Variants in DCAF8L2 observed in about 807,000 individuals in gnomAD.
DCAF8L2 encodes DDB1 and CUL4 associated factor 8 like 2.
For missense variants in DCAF8L2, 430 were observed against 490.7 expected (o/e 0.88, Z 1.17); for synonymous variants, 200 against 190.9 (o/e 1.05, Z -0.39).
At chrX:27,654,941 G>A (rs1003863847) in intron 2 of DCAF8L2, among the ~76,000 whole-genome samples, 4 of 110,484 alleles carry the variant, frequency 3.6e-5, no homozygotes, top group Non-Finnish European at 7.6e-5. Context: ...ATTAATTATT[G>A]ATGAATACGA....
chrX:27,594,452 T>G (rs1302030440), intron 1 of DCAF8L2, among the ~76,000 whole-genome samples: 4 of 111,272 alleles, frequency 3.6e-5, no homozygotes, highest in Non-Finnish European at 7.5e-5. Flanking sequence ...AGAATATATA[T>G]ATATACGTAC....
chrX:27,571,275 A>C, the DCAF8L2 span, among the ~76,000 whole-genome samples: 1 of 111,579 alleles, frequency 9.0e-6, no homozygotes, highest in Non-Finnish European at 1.9e-5. Flanking sequence ...TTATAGATGG[A>C]AAGATTTGAC....
At chrX:27,725,748 A>C (rs972176846) in intron 4 of DCAF8L2, among the ~76,000 whole-genome samples, 2 of 110,373 alleles carry the variant, frequency 1.8e-5, no homozygotes, top group African/African-American at 6.5e-5. Flanking sequence ...TAATATTTGA[A>C]GCTAAAACAT....
At chrX:27,571,946 G>A in the DCAF8L2 span, among the ~76,000 whole-genome samples, 1 of 111,603 alleles carries the variant, frequency 9.0e-6, no homozygotes, top group East Asian at 2.8e-4. Flanking sequence ...AAATAAGATG[G>A]ATTGGTCATA....
At chrX:27,624,095 A>G (rs973198256) in intron 1 of DCAF8L2, among the ~76,000 whole-genome samples, 4 of 112,033 alleles carry the variant, frequency 3.6e-5, no homozygotes, top group Non-Finnish European at 7.5e-5. Context: ...CTAAGGAATT[A>G]GAATTGTCAG....
intron 1 of DCAF8L2, among the ~76,000 whole-genome samples, chrX:27,593,673 G>A (rs1460627370): frequency 9.0e-6 from 1 of 111,714 alleles, no homozygotes; most frequent in Non-Finnish European, 1.9e-5. Flanking sequence ...ATGTAGAGAA[G>A]GACTACAGAA....
At chrX:27,498,262 A>G in the DCAF8L2 span, among the ~76,000 whole-genome samples, 74 of 112,179 alleles carry the variant, frequency 6.6e-4, no homozygotes, top group East Asian at 0.02. Context: ...AACGTTTTCC[A>G]TAGTGTCTGT....
chrX:27,703,630 T>G (rs1931213569), intron 3 of DCAF8L2, among the ~76,000 whole-genome samples: 1 of 111,084 alleles, frequency 9.0e-6, no homozygotes, highest in Non-Finnish European at 1.9e-5. Context: ...ATAATGTTAT[T>G]TTCAACAAAT....
At chrX:27,551,845 T>C in the DCAF8L2 span, among the ~76,000 whole-genome samples, 1 of 112,107 alleles carries the variant, frequency 8.9e-6, no homozygotes, top group South Asian at 3.7e-4. Flanking sequence ...TTTGGATATA[T>C]ACCCAATAGT....
At chrX:27,584,959 C>A in the DCAF8L2 span, among the ~76,000 whole-genome samples, 1 of 111,325 alleles carries the variant, frequency 9.0e-6, no homozygotes, top group Non-Finnish European at 1.9e-5. Flanking sequence ...TTACAATGCA[C>A]AAGACAGCCT....
chrX:27,631,605 T>C (rs1255484849), intron 1 of DCAF8L2, among the ~76,000 whole-genome samples: 1 of 111,473 alleles, frequency 9.0e-6, no homozygotes, highest in Non-Finnish European at 1.9e-5. Context: ...AGACACATTT[T>C]TAGGCAGCAC....
chrX:27,533,330 C>T, the DCAF8L2 span, among the ~76,000 whole-genome samples: 58,446 of 107,944 alleles, frequency 0.54, 13,160 homozygotes, highest in South Asian at 0.77. Context: ...CACTTGAACC[C>T]GAGAGTTCAA....
chrX:27,593,754 T>G (rs1439455155), intron 1 of DCAF8L2, among the ~76,000 whole-genome samples: 2 of 112,282 alleles, frequency 1.8e-5, no homozygotes, highest in Admixed American at 1.9e-4. Context: ...CAAGGTGCTG[T>G]GCAGAATGGA....
the DCAF8L2 span, among the ~76,000 whole-genome samples, chrX:27,574,431 T>C: frequency 6.0e-3 from 674 of 112,268 alleles, 5 homozygotes; most frequent in Middle Eastern, 9.3e-3. Context: ...TCACTGTTTC[T>C]TTCCAGTGTA....
intron 1 of DCAF8L2, among the ~76,000 whole-genome samples, chrX:27,601,896 G>A (rs924162714): frequency 1.2e-4 from 13 of 111,000 alleles, no homozygotes; most frequent in Non-Finnish European, 2.5e-4. Flanking sequence ...GCTAAAGGAA[G>A]GCACCAGCAA....
chrX:27,517,598 C>T, the DCAF8L2 span, among the ~76,000 whole-genome samples: 1 of 111,394 alleles, frequency 9.0e-6, no homozygotes, highest in Non-Finnish European at 1.9e-5. Flanking sequence ...TGATATCATA[C>T]TTCCTTAATG....
intron 3 of DCAF8L2, among the ~76,000 whole-genome samples, chrX:27,704,204 A>T (rs1452284689): frequency 2.0e-5 from 2 of 100,642 alleles, no homozygotes; most frequent in South Asian, 8.1e-4. Flanking sequence ...GTATATACAC[A>T]TGTACACACG....
chrX:27,732,491 C>CGT (rs1190509863), intron 4 of DCAF8L2, among the ~76,000 whole-genome samples: 4 of 61,750 alleles, frequency 6.5e-5, no homozygotes, highest in African/African-American at 1.1e-4. Context: ...TGTGTGTGTG[C>CGT]GCGTGTGTGT....
chrX:27,675,947 A>T (rs763094555), intron 2 of DCAF8L2, among the ~76,000 whole-genome samples: 1 of 112,302 alleles, frequency 8.9e-6, no homozygotes, highest in Admixed American at 9.4e-5. Context: ...ACTTGCAAAG[A>T]TCTCTGGCTA....
Sources: gnomAD v4.1 joint callset for allele counts (sites outside exome capture counted in the v4.1 genomes callset) on GRCh38, gnomAD v4.1.1 for gene constraint, MANE v1.5 for transcripts, NCBI Gene and HGNC (gene_info 2026-07-23, HGNC 2026-07-21) for gene names.